Variants in ARHGAP31 observed in about 807,000 individuals in gnomAD.
The protein encoded by ARHGAP31 is rho GTPase-activating protein 31.
ARHGAP31 carries 34 observed loss-of-function variants against 113.9 expected under a neutral mutation model. That is an observed-to-expected ratio of 0.30 (90% confidence interval 0.23 to 0.40). ARHGAP31 has a LOEUF of 0.40. Ranked by LOEUF, ARHGAP31 falls within the 10% of genes least tolerant of loss-of-function variation. ARHGAP31 has a pLI of 1.00. For synonymous variants in ARHGAP31, 650 were observed against 684.8 expected, an observed-to-expected ratio of 0.95 and a Z score of 0.79; for missense variants, 1,548 against 1,767.1, an observed-to-expected ratio of 0.88 and a Z score of 2.22.
chr3:119,345,304 A>AT (rs1321904587), intron 1 of ARHGAP31, among the ~76,000 whole-genome samples: 1 of 151,490 alleles, frequency 6.6e-6, no homozygotes, highest in Admixed American at 6.6e-5. Context: ...TTTAAAAAAA[A>AT]TTTTTTTAGA....
At chr3:119,309,747 G>T (rs183450170) in intron 1 of ARHGAP31, among the ~76,000 whole-genome samples, 1 of 151,792 alleles carries the variant, frequency 6.6e-6, no homozygotes, top group African/African-American at 2.4e-5. Flanking sequence ...GACAGAGTGA[G>T]ACTCTGTCTC....
intron 1 of ARHGAP31, among the ~76,000 whole-genome samples, chr3:119,340,882 C>T (rs2080002024): frequency 6.6e-6 from 1 of 152,204 alleles, no homozygotes; most frequent in East Asian, 1.9e-4. Flanking sequence ...TTTCCGAACA[C>T]ATATCTTGTT....
intron 3 of ARHGAP31, among the ~76,000 whole-genome samples, chr3:119,370,749 C>G (rs1362837788): frequency 6.6e-6 from 1 of 152,194 alleles, no homozygotes; most frequent in Non-Finnish European, 1.5e-5. Flanking sequence ...CAAGCTCCCA[C>G]TGATGGATAT....
intron 1 of ARHGAP31, among the ~76,000 whole-genome samples, chr3:119,325,526 A>C (rs1361029873): frequency 6.6e-6 from 1 of 152,112 alleles, no homozygotes; most frequent in African/African-American, 2.4e-5. Flanking sequence ...ACACTGTTGC[A>C]GTCCTGTATT....
chr3:119,357,198 G>T (rs1247732117), intron 1 of ARHGAP31, among the ~76,000 whole-genome samples: 1 of 152,226 alleles, frequency 6.6e-6, no homozygotes, highest in Non-Finnish European at 1.5e-5. Context: ...TAAGAACACG[G>T]AGGAAGGAGA....
chr3:119,387,021 A>C (rs1332226875), intron 6 of ARHGAP31, among the ~76,000 whole-genome samples: 1 of 152,218 alleles, frequency 6.6e-6, no homozygotes, highest in Admixed American at 6.5e-5. Context: ...TTAGGCCTCC[A>C]GATAACTGCG....
intron 1 of ARHGAP31, among the ~76,000 whole-genome samples, chr3:119,361,433 G>A (rs1301576618): frequency 6.8e-6 from 1 of 147,640 alleles, no homozygotes; most frequent in Non-Finnish European, 1.5e-5. Context: ...CCAGTCTGGA[G>A]TTCAGTGGTG....
At chr3:119,360,762 A>C (rs940504038) in intron 1 of ARHGAP31, among the ~76,000 whole-genome samples, 2 of 152,248 alleles carry the variant, frequency 1.3e-5, no homozygotes, top group African/African-American at 4.8e-5. Flanking sequence ...TTTTGTGCTC[A>C]GATTAAAATT....
chr3:119,356,641 A>AG (rs1559978022), intron 1 of ARHGAP31, among the ~76,000 whole-genome samples: 1 of 151,698 alleles, frequency 6.6e-6, no homozygotes, highest in African/African-American at 2.4e-5. Flanking sequence ...AAAAAAAAAA[A>AG]GAAAAAAAAA....
chr3:119,315,492 A>G (rs1362195116), intron 1 of ARHGAP31, among the ~76,000 whole-genome samples: 1 of 152,242 alleles, frequency 6.6e-6, no homozygotes, highest in South Asian at 2.1e-4. Flanking sequence ...TGAACTTGCC[A>G]AATTCAGGTT....
chr3:119,346,404 A>G (rs1447906363), intron 1 of ARHGAP31, among the ~76,000 whole-genome samples: 1 of 152,246 alleles, frequency 6.6e-6, no homozygotes, highest in Non-Finnish European at 1.5e-5. Context: ...CCCTCTCTCC[A>G]GAAAGATATC....
At chr3:119,336,471 G>C (rs562963739) in intron 1 of ARHGAP31, among the ~76,000 whole-genome samples, 1 of 152,044 alleles carries the variant, frequency 6.6e-6, no homozygotes, top group Non-Finnish European at 1.5e-5. Flanking sequence ...CCCAAAATAA[G>C]GGGATGTGTC....
chr3:119,300,046 G>A (rs1026580246), intron 1 of ARHGAP31, among the ~76,000 whole-genome samples: 2 of 152,176 alleles, frequency 1.3e-5, no homozygotes, highest in Non-Finnish European at 2.9e-5. Context: ...TGAGGCAGGT[G>A]CCCCTGCTGG....
intron 1 of ARHGAP31, among the ~76,000 whole-genome samples, chr3:119,345,962 A>G (rs1391959729): frequency 6.6e-6 from 1 of 152,212 alleles, no homozygotes; most frequent in Non-Finnish European, 1.5e-5. Context: ...TGTCCTCTCC[A>G]GTGCAGATCC....
chr3:119,364,175 C>G (rs1469210870), intron 1 of ARHGAP31, among the ~76,000 whole-genome samples: 1 of 143,518 alleles, frequency 7.0e-6, no homozygotes, highest in Non-Finnish European at 1.5e-5. Context: ...CCCTGTCGGT[C>G]CCTTTTATGT....
chr3:119,296,060 C>T (rs1051671523), intron 1 of ARHGAP31, among the ~76,000 whole-genome samples: 3 of 152,204 alleles, frequency 2.0e-5, no homozygotes, highest in Non-Finnish European at 1.5e-5. Flanking sequence ...GGCTGTGTAA[C>T]CGTGCGGAAT....
chr3:119,338,430 A>T (rs1367633650), intron 1 of ARHGAP31, among the ~76,000 whole-genome samples: 1 of 152,196 alleles, frequency 6.6e-6, no homozygotes, highest in Non-Finnish European at 1.5e-5. Context: ...ATGTGAAATA[A>T]ACAAAAATAG....
At chr3:119,407,386 A>T (rs1559995865) in intron 10 of ARHGAP31, among the ~76,000 whole-genome samples, 2 of 151,866 alleles carry the variant, frequency 1.3e-5, no homozygotes, top group South Asian at 4.2e-4. Context: ...AATAAAGAAA[A>T]AAAGAAAAAA....
Position 119,294,953 on chromosome 3 carries a change from A to G in ARHGAP31, c.49A>G (p.Ser17Gly). The G allele has an allele frequency of 1.9e-6, 3 of 1,614,122 alleles. No homozygotes were observed. The highest frequency in any genetic ancestry group is 2.2e-5 in the East Asian group (1 of 44,848). ...KQKLKRKGAA[S>G]AFGCDLTEYL... ...GAAGCTGAAACGAAAGGGAGCCGCC[A>G]GCGCGTTTGGCTGTGACCTGACGGA... is the stretch of plus-strand genomic sequence containing the variant. The change falls in exon 1 of 12, where the codon AGC becomes GGC. Residue 17 changes from serine to glycine, a missense_variant. Physicochemically the swap from Ser to Gly is moderately conservative, Grantham distance 56. Transcript: ENST00000264245.
Sources: gnomAD v4.1 joint callset for allele counts (sites outside exome capture counted in the v4.1 genomes callset) on GRCh38, gnomAD v4.1.1 for gene constraint, MANE v1.5 for transcripts, NCBI Gene and HGNC (gene_info 2026-07-23, HGNC 2026-07-21) for gene names.